DHX57: variants seen among roughly 807,000 people sequenced by gnomAD.
DHX57 encodes the protein putative ATP-dependent RNA helicase DHX57.
A neutral mutation model predicts 156.2 loss-of-function variants in DHX57; 105 were observed. The observed-to-expected ratio is 0.67, with a 90% CI of 0.57 to 0.79. The LOEUF is 0.79. Ranked by LOEUF, DHX57 falls within the 30% of genes least tolerant of loss-of-function variation. DHX57 has a pLI of 0.00. For synonymous variants in DHX57, 704 were observed against 595.6 expected (o/e 1.18, Z -2.65); for missense variants, 1,847 against 1,661.9 (o/e 1.11, Z -1.94).
chr2:38,853,107 G>A (rs1242266238), intron 9 of DHX57: 2 of 158,138 alleles, frequency 1.3e-5, no homozygotes, highest in Admixed American at 6.7e-5. Context: ...CCAGGGTGGA[G>A]TGCAGTGGTG....
rs868011181 is a variant in DHX57, at chr2:38,837,841, G to A, written c.2532C>T (p.Ser844=). ...TAAAGAAGCAGTTACCTGGAGGGTA[G>A]GAGTGCTTTCCATCCACAATCCACT... The part of the protein sequence containing the change: ...LLEWIVDGKH[S]YPPGAILVFL... The change falls in exon 13 of 24, where the codon TCC becomes TCT. Residue 844 remains serine (S), a synonymous_variant. Transcript: ENST00000457308. 12 of 1,593,470 alleles carry A rather than the reference G, an allele frequency of 7.5e-6. No homozygotes were observed. In the Admixed American group the frequency reaches 2.0e-4, roughly 27 times the overall value.
At chr2:38,814,441 G>A (rs746102082) in intron 20 of DHX57, among the ~76,000 whole-genome samples, 1 of 152,100 alleles carries the variant, frequency 6.6e-6, no homozygotes, top group Non-Finnish European at 1.5e-5. Flanking sequence ...TTTGCAAAGC[G>A]TTACAAAGCC....
At chr2:38,838,769 C>G (rs1252690556) in intron 12 of DHX57, 2 of 456,138 alleles carry the variant, frequency 4.4e-6, no homozygotes, top group African/African-American at 4.0e-5. Context: ...AGTGGTTGAT[C>G]TTCCCTGAAA....
At chr2:38,807,975 A>AGAT (rs1348780610) in intron 21 of DHX57, among the ~76,000 whole-genome samples, 1 of 48,058 alleles carries the variant, frequency 2.1e-5, no homozygotes, top group African/African-American at 8.3e-5. Context: ...TTTTTTTTTG[A>AGAT]GATGGAGTCT....
chr2:38,873,235 T>A (rs138983999), intron 1 of DHX57, among the ~76,000 whole-genome samples: 2,013 of 152,218 alleles, frequency 0.013, 40 homozygotes, highest in African/African-American at 0.043. Context: ...AGGTGATCTG[T>A]CCACCTTGGC....
At chr2:38,811,219 G>C in intron 21 of DHX57, 1 of 496,526 alleles carries the variant, frequency 2.0e-6, no homozygotes, top group Non-Finnish European at 3.9e-6. Flanking sequence ...CCTTGGACTG[G>C]TTGTAGAACT....
chr2:38,858,922 A>C, intron 5 of DHX57, 86 bp from the exon 6 acceptor site: 1 of 1,339,852 alleles, frequency 7.5e-7, no homozygotes. Flanking sequence ...AGTATCAACA[A>C]CAAAAAGTCA....
rs866548723 is a variant in DHX57 at position 38,829,326 on chromosome 2, G to A, written c.2543-890C>T. Among the ~76,000 whole-genome samples the A allele has an allele frequency of 2.4e-4, 36 of 148,108 alleles. No individual in the cohort carries two copies. In the South Asian group the frequency reaches 2.5e-3, roughly 10 times the overall value. On this transcript the variant is annotated intron_variant, in intron 13 of 23. Transcript: ENST00000457308. ...AGACAGTGTCTTGCTCTGTTGCCCA[G>A]GCTGAAGTGCAATGATGTGATCTCA... is the stretch of plus-strand genomic sequence containing the variant.
intron 12 of DHX57, among the ~76,000 whole-genome samples, chr2:38,841,449 G>C: frequency 6.6e-6 from 1 of 152,120 alleles, no homozygotes; most frequent in East Asian, 1.9e-4. Flanking sequence ...TCAATATTGC[G>C]AAGATGAAAT....
chr2:38,815,065 T>C (rs573357883), intron 20 of DHX57, among the ~76,000 whole-genome samples: 2 of 145,754 alleles, frequency 1.4e-5, no homozygotes, highest in Non-Finnish European at 3.1e-5. Flanking sequence ...AAAAAATTTT[T>C]TTATACTTTT....
intron 1 of DHX57, among the ~76,000 whole-genome samples, chr2:38,871,526 C>T (rs1229166558): frequency 6.6e-6 from 1 of 152,020 alleles, no homozygotes; most frequent in Non-Finnish European, 1.5e-5. Context: ...TAACAGAATG[C>T]CACAGACTAG....
In DHX57 at chr2:38,828,393, CATTTTG is replaced by C. The variant is rs1345827470; in HGVS notation, c.2580_2585del (p.Ile860_Lys861del). ...AATTAGACTGTAGCTGTTCATAAAG[CATTTTG>C]ATTTCTGCTAGTCCTGGTAAAAATA... On this transcript the variant is annotated inframe_deletion, in exon 14 of 24. Coordinates refer to ENST00000457308, the MANE Select transcript of DHX57 (RefSeq NM_198963.3). The C allele has an allele frequency of 6.2e-7, 1 of 1,613,326 alleles. No homozygotes were observed. The highest frequency in any genetic ancestry group is 1.3e-5 in the African/African-American group (1 of 74,852).
At chr2:38,837,564 T>A (rs1671745085) in intron 13 of DHX57, among the ~76,000 whole-genome samples, 1 of 120,556 alleles carries the variant, frequency 8.3e-6, no homozygotes, top group African/African-American at 3.0e-5. Flanking sequence ...TAAGCTAAGG[T>A]CACGCCATTG....
chr2:38,875,263 G>C (rs1184437149), intron 1 of DHX57, among the ~76,000 whole-genome samples: 1 of 152,146 alleles, frequency 6.6e-6, no homozygotes. Context: ...ATGGATACAG[G>C]GACCTAAGTT....
At position 38,864,356 on chromosome 2, in the gene DHX57, G is replaced by A. The variant is rs374189029; in HGVS notation, c.225-837C>T. On this transcript the variant is annotated intron_variant, in intron 2 of 23. Transcript: ENST00000457308. The stretch of plus-strand genomic sequence containing the variant: ...GCCCCAGGAGTTCGAGACCAGCCTG[G>A]GCAATATAGCAAGATCCTGTCTCTA... Among the ~76,000 whole-genome samples, 24 of 151,482 alleles carry A rather than the reference G, an allele frequency of 1.6e-4. 1 individual carries two copies. The South Asian group carries it at 5.0e-3, about 32-fold the overall frequency.
intron 23 of DHX57, among the ~76,000 whole-genome samples, chr2:38,801,620 G>A (rs1043435975): frequency 6.8e-6 from 1 of 146,612 alleles, no homozygotes; most frequent in East Asian, 2.0e-4. Flanking sequence ...TTGAGATGGA[G>A]TTTCCCTCTT....
intron 21 of DHX57, chr2:38,811,079 T>C: frequency 1.7e-6 from 1 of 583,134 alleles, no homozygotes; most frequent in Non-Finnish European, 3.2e-6. Flanking sequence ...TGGTTGGTTC[T>C]TGGGGTTCTC....
At chr2:38,809,572 C>T (rs548162531) in intron 21 of DHX57, among the ~76,000 whole-genome samples, 16 of 151,764 alleles carry the variant, frequency 1.1e-4, no homozygotes, top group African/African-American at 3.9e-4. Flanking sequence ...AGCGATTCTC[C>T]TGCCTCAGCC....
rs1467426844 is a variant in DHX57 at position 38,806,580 on chromosome 2, G to A, written c.3795C>T (p.His1265=). 1 of 1,614,088 alleles carries A rather than the reference G, an allele frequency of 6.2e-7. No homozygotes were observed. The highest frequency in any genetic ancestry group is 1.7e-5 in the Admixed American group (1 of 59,976). ...TGACCTGATAGTTCACTGATGAAGG[G>A]TGAATGTGTACATATCCATCGTTCT... ...VTKNDGYVHI[H]PSSVNYQVRH... The change falls in exon 22 of 24, where the codon CAC becomes CAT. Residue 1265 remains histidine (H), a synonymous_variant. Transcript: ENST00000457308.
Sources: allele counts gnomAD v4.1 joint callset (sites outside exome capture counted in the v4.1 genomes callset), GRCh38; gene constraint gnomAD v4.1.1; transcripts MANE v1.5; gene names NCBI Gene and HGNC (gene_info 2026-07-23, HGNC 2026-07-21).